The following UBR1 variants were observed in gnomAD, a reference collection of about 807,000 sequenced individuals.
UBR1 encodes E3 ubiquitin-protein ligase UBR1.
A neutral mutation model predicts 242.1 loss-of-function variants in UBR1; 102 were observed. The observed-to-expected ratio is 0.42, with a 90% CI of 0.36 to 0.50. The LOEUF (loss-of-function observed/expected upper bound fraction) is 0.50, where lower values mean the gene tolerates loss of function less well. Among genes scored for constraint, UBR1 ranks in the 20% least tolerant of loss-of-function variants. The pLI is 0.01. For missense variants in UBR1, 1,772 were observed against 2,101.8 expected, an observed-to-expected ratio of 0.84 and a Z score of 3.07; for synonymous variants, 675 against 684.8, an observed-to-expected ratio of 0.99 and a Z score of 0.22.
Position 42,958,066 on chromosome 15 carries a change from C to T in UBR1, c.4782G>A (p.Leu1594=). 1 of 1,613,540 alleles carries T rather than the reference C, an allele frequency of 6.2e-7. No individual in the cohort carries two copies. Among genetic ancestry groups the T allele is most frequent in the Non-Finnish European group, 8.5e-7 (1 of 1,179,796 alleles). ...AGCTATAGTCATCAGGAAGCTCTATCAAACTATTTCTTTTTCTAGGGTACC... is the reference window on the plus strand; with the variant it reads ...AGCTATAGTCATCAGGAAGCTCTATTAAACTATTTCTTTTTCTAGGGTACC... ...VVRYPRKRNS[L]IELPDDYSCL... is the part of the protein sequence containing the mutation. Residue 1594 remains leucine, a synonymous_variant, in exon 44 of 47, where the codon TTG becomes TTA. Transcript: ENST00000290650.
In UBR1 at chr15:43,021,255, AC is replaced by A; in HGVS notation, c.2940+19del. 6.3e-7 allele frequency: 1 copy of A among 1,599,094 alleles called. No individual in the cohort carries two copies. The highest frequency in any genetic ancestry group is 8.6e-7 in the Non-Finnish European group (1 of 1,166,638). ...TAAATATTTAAACCAAGATATGATC[AC>A]TTTACTTTTTTAGTTTACCTGAAGT... On this transcript the variant is annotated intron_variant, in intron 27 of 46. Coordinates refer to ENST00000290650, the MANE Select transcript of UBR1 (RefSeq NM_174916.3).
chr15:42,979,600 G>C (rs2032344592), intron 37 of UBR1, among the ~76,000 whole-genome samples: 1 of 152,056 alleles, frequency 6.6e-6, no homozygotes, highest in Non-Finnish European at 1.5e-5. Context: ...CCCCAGGCTG[G>C]AGTACAGTGG....
At chr15:42,999,756 A>C (rs540088888) in intron 32 of UBR1, among the ~76,000 whole-genome samples, 1 of 152,054 alleles carries the variant, frequency 6.6e-6, no homozygotes, top group South Asian at 2.1e-4. Context: ...TGAGCCCAAG[A>C]AGGTTGAGGC....
At chr15:43,079,157 C>T (rs756622244) in intron 3 of UBR1, among the ~76,000 whole-genome samples, 4 of 151,514 alleles carry the variant, frequency 2.6e-5, no homozygotes, top group East Asian at 2.0e-4. Context: ...ATCAAAACAA[C>T]GGAACACAAC....
chr15:43,004,305 C>T (rs1338880011), intron 30 of UBR1, among the ~76,000 whole-genome samples: 1 of 152,100 alleles, frequency 6.6e-6, no homozygotes, highest in African/African-American at 2.4e-5. Context: ...ATTATAACCT[C>T]ATTAAGAAAA....
Position 43,007,222 on chromosome 15 carries a change from G to A in UBR1, c.3272C>T (p.Thr1091Ile), listed in dbSNP as rs753704364. ...GATGCACGTCAGCACCTCCTTTTCA[G>A]TAACAGATGGACCCCGTTTAGGACC... ...ALGPKRGPSV[T>I]EKEVLTCILC... Residue 1091 changes from threonine to isoleucine, a missense_variant, in exon 30 of 47, where the codon ACT becomes ATT. Coordinates refer to ENST00000290650, the MANE Select transcript of UBR1 (RefSeq NM_174916.3). The A allele has an allele frequency of 6.2e-7, 1 of 1,614,060 alleles. No individual in the cohort carries two copies. Among genetic ancestry groups the A allele is most frequent in the East Asian group, 2.2e-5 (1 of 44,872 alleles).
At chr15:43,003,731 A>G in intron 31 of UBR1, 106 bp downstream of exon 31, 4 of 1,035,894 alleles carry the variant, frequency 3.9e-6, no homozygotes, top group Non-Finnish European at 6.0e-6. Context: ...AATTATTCAA[A>G]TAAGAAGAAA....
chr15:42,998,472 C>T (rs918507301), intron 32 of UBR1, among the ~76,000 whole-genome samples: 1 of 152,170 alleles, frequency 6.6e-6, no homozygotes, highest in Non-Finnish European at 1.5e-5. Context: ...TAAGTCACCA[C>T]CCACATGCCA....
intron 1 of UBR1, among the ~76,000 whole-genome samples, chr15:43,098,321 G>A (rs2034184911): frequency 6.6e-6 from 1 of 152,120 alleles, no homozygotes. Flanking sequence ...ATATAATAAT[G>A]AAAAAGTTTG....
At chr15:43,099,783 GT>G (rs2034205627) in intron 1 of UBR1, among the ~76,000 whole-genome samples, 1 of 152,072 alleles carries the variant, frequency 6.6e-6, no homozygotes, top group African/African-American at 2.4e-5. Context: ...AAGACACATA[GT>G]AAACAGGTAA....
intron 1 of UBR1, among the ~76,000 whole-genome samples, chr15:43,100,498 CATTTAAAAAT>C (rs1289674555): frequency 1.3e-5 from 2 of 152,162 alleles, no homozygotes; most frequent in Admixed American, 6.5e-5. Flanking sequence ...GTTATTCATT[CATTTAAAAAT>C]ATTTAAGTGT....
chr15:43,052,873 G>A (rs2033573630), intron 12 of UBR1, among the ~76,000 whole-genome samples: 1 of 152,174 alleles, frequency 6.6e-6, no homozygotes, highest in Admixed American at 6.5e-5. Flanking sequence ...AAAGGAACAT[G>A]AGTTTTACAG....
chr15:43,023,402 G>T (rs1471854586), intron 25 of UBR1, among the ~76,000 whole-genome samples: 1 of 151,760 alleles, frequency 6.6e-6, no homozygotes, highest in African/African-American at 2.4e-5. Flanking sequence ...GACCAGCCTG[G>T]TCAACATGGT....
At chr15:43,051,490 G>C (rs1383338227) in intron 12 of UBR1, among the ~76,000 whole-genome samples, 1 of 152,068 alleles carries the variant, frequency 6.6e-6, no homozygotes, top group Non-Finnish European at 1.5e-5. Context: ...TAATACTTGG[G>C]TGACAAAATA....
intron 12 of UBR1, 121 bp downstream of exon 12, chr15:43,054,621 T>C (rs2033594394): frequency 9.1e-7 from 1 of 1,099,204 alleles, no homozygotes; most frequent in Non-Finnish European, 1.4e-6. Context: ...TTCTTTGTAC[T>C]TGCCATCATT....
intron 1 of UBR1, among the ~76,000 whole-genome samples, chr15:43,098,270 T>C (rs1018357442): frequency 6.6e-6 from 1 of 152,160 alleles, no homozygotes; most frequent in African/African-American, 2.4e-5. Flanking sequence ...ACAATTACAA[T>C]AGTAACATCA....
intron 23 of UBR1, 147 bp downstream of exon 23, chr15:43,026,414 A>G: frequency 1.5e-6 from 1 of 647,646 alleles, no homozygotes; most frequent in East Asian, 2.8e-5. Context: ...AGATAAGATT[A>G]TTGATTCAAT....
chr15:42,963,328 G>C (rs2032052012), intron 42 of UBR1, among the ~76,000 whole-genome samples: 1 of 152,038 alleles, frequency 6.6e-6, no homozygotes, highest in African/African-American at 2.4e-5. Flanking sequence ...AGGAAATGAT[G>C]GGCAAGGAAA....
chr15:42,966,980 T>C (rs972356941), intron 40 of UBR1, among the ~76,000 whole-genome samples: 17 of 152,190 alleles, frequency 1.1e-4, no homozygotes, highest in African/African-American at 3.9e-4. Flanking sequence ...AGTGCAGTGC[T>C]GCGATCTGGG....
Sources: gnomAD v4.1 joint callset for allele counts (sites outside exome capture counted in the v4.1 genomes callset) on GRCh38, gnomAD v4.1.1 for gene constraint, MANE v1.5 for transcripts, NCBI Gene and HGNC (gene_info 2026-07-23, HGNC 2026-07-21) for gene names.